FRMD7: variants seen among roughly 807,000 people sequenced by gnomAD.
FRMD7 encodes the protein FERM domain-containing protein 7.
A neutral mutation model predicts 44.1 loss-of-function variants in FRMD7; 14 were observed. The observed-to-expected ratio is 0.32, with a 90% CI of 0.21 to 0.50. FRMD7 has a LOEUF of 0.50. Among genes scored for constraint, FRMD7 ranks in the 20% least tolerant of loss-of-function variants. The pLI is 0.99. For synonymous variants in FRMD7, 212 were observed against 187.4 expected (o/e 1.13, Z -1.07); for missense variants, 501 against 522.3 (o/e 0.96, Z 0.40).
chrX:132,127,687 A>G (rs1440143218), intron 1 of FRMD7, 101 bp downstream of exon 1: 9 of 647,465 alleles, frequency 1.4e-5, no homozygotes, highest in Non-Finnish European at 2.4e-5. Context: ...TCCTTCATTC[A>G]GTCCTAAAGA....
chrX:132,102,495 A>G (rs768264286), intron 1 of FRMD7, among the ~76,000 whole-genome samples: 1 of 111,827 alleles, frequency 8.9e-6, no homozygotes, highest in East Asian at 2.8e-4. Flanking sequence ...GGGCCTGTTT[A>G]TAGGGGAGAG....
At chrX:132,087,917 A>G (rs1461448135) in intron 5 of FRMD7, among the ~76,000 whole-genome samples, 1 of 111,157 alleles carries the variant, frequency 9.0e-6, no homozygotes, top group African/African-American at 3.3e-5. Context: ...ACTATAATAC[A>G]CTATGATAAT....
chrX:132,100,752 T>C (rs1314298688), intron 1 of FRMD7, 36 bp from the exon 2 acceptor site: 1 of 966,097 alleles, frequency 1.0e-6, no homozygotes, highest in Non-Finnish European at 1.5e-6. Flanking sequence ...ACAATTTGCA[T>C]TCCTAACCTG....
At chrX:132,101,123 C>T (rs1928486015) in intron 1 of FRMD7, among the ~76,000 whole-genome samples, 1 of 110,423 alleles carries the variant, frequency 9.1e-6, no homozygotes, top group African/African-American at 3.3e-5. Context: ...TTCAGTGGCA[C>T]CCCCTCAGGA....
At chrX:132,104,707 A>C (rs767596608) in intron 1 of FRMD7, among the ~76,000 whole-genome samples, 1 of 111,818 alleles carries the variant, frequency 8.9e-6, no homozygotes, top group East Asian at 2.8e-4. Flanking sequence ...AACCAAAAAA[A>C]CAAAAAACAA....
intron 1 of FRMD7, among the ~76,000 whole-genome samples, chrX:132,119,660 TG>T (rs1449094237): frequency 9.0e-6 from 1 of 111,339 alleles, no homozygotes. Context: ...TTAGATGATG[TG>T]GGGGTAATAA....
intron 2 of FRMD7, 39 bp downstream of exon 2, chrX:132,100,573 A>C (rs1928471279): frequency 1.1e-6 from 1 of 944,173 alleles, no homozygotes; most frequent in African/African-American, 1.9e-5. Flanking sequence ...TTTAGAAGCA[A>C]TGCTAGACAC....
chrX:132,126,621 A>G (rs955622922), intron 1 of FRMD7, among the ~76,000 whole-genome samples: 2 of 112,074 alleles, frequency 1.8e-5, no homozygotes, highest in African/African-American at 6.5e-5. Context: ...CCAGCTCACT[A>G]ATTCAGGTAC....
At position 132,111,713 on chromosome X, in the gene FRMD7, T is replaced by C. The variant is rs7063006; in HGVS notation, c.58-10997A>G. On this transcript the variant is annotated intron_variant, in intron 1 of 11. Transcript: ENST00000298542. ...CAAGCAGAACACTCCAGTGAGAGGA[T>C]TGGACTTGTGTTAATTAGAACAGGA... Among the ~76,000 whole-genome samples the C allele has an allele frequency of 3.8e-3, 426 of 112,016 alleles. 3 individuals are homozygous for C. Among genetic ancestry groups the C allele is most frequent in the African/African-American group, 0.013 (388 of 30,856 alleles).
chrX:132,109,448 CT>C (rs1928726012), intron 1 of FRMD7, among the ~76,000 whole-genome samples: 1 of 111,925 alleles, frequency 8.9e-6, no homozygotes, highest in Non-Finnish European at 1.9e-5. Flanking sequence ...CTGCCCTTTC[CT>C]TTCCTTTTTG....
rs753902331 is a variant in FRMD7 at position 132,085,925 on chromosome X, C to T, written c.492G>A (p.Lys164=). 2 of 1,182,249 alleles carry T rather than the reference C, an allele frequency of 1.7e-6. No individual in the cohort carries two copies. The highest frequency in any genetic ancestry group is 1.8e-5 in the South Asian group (1 of 56,301). ...TGCCAGCTGAAAGTACTTACATGTG[C>T]TTCTGATGAAAGTGCATGATCTTGC... The part of the protein sequence containing the change: ...LEGKIMHFHQ[K]HIGRSPAESD... Residue 164 remains lysine, a synonymous_variant, in exon 6 of 12, where the codon AAG becomes AAA. Coordinates refer to ENST00000298542, the MANE Select transcript of FRMD7 (RefSeq NM_194277.3).
intron 1 of FRMD7, among the ~76,000 whole-genome samples, chrX:132,104,368 A>G (rs1569346116): frequency 9.0e-6 from 1 of 111,565 alleles, no homozygotes. Context: ...AATAATGTGC[A>G]TATAATGCAT....
At chrX:132,099,564 T>G in intron 2 of FRMD7, 54 bp from the exon 3 acceptor site, 1 of 906,339 alleles carries the variant, frequency 1.1e-6, no homozygotes, top group Non-Finnish European at 1.6e-6. Context: ...GCAGAGCTTT[T>G]TTTTTTTCGG....
intron 1 of FRMD7, among the ~76,000 whole-genome samples, chrX:132,111,275 AT>A (rs1353460862): frequency 9.0e-6 from 1 of 111,225 alleles, no homozygotes; most frequent in African/African-American, 3.3e-5. Context: ...TTATTTACTT[AT>A]TTTGAGACTG....
At chrX:132,096,694 G>C (rs1448075640) in intron 4 of FRMD7, among the ~76,000 whole-genome samples, 1 of 97,270 alleles carries the variant, frequency 1.0e-5, no homozygotes, top group Non-Finnish European at 2.0e-5. Flanking sequence ...TATCCAACCT[G>C]AGGCAGAGCA....
chrX:132,112,656 A>G (rs368958867), intron 1 of FRMD7, among the ~76,000 whole-genome samples: 1 of 111,636 alleles, frequency 9.0e-6, no homozygotes, highest in East Asian at 2.8e-4. Context: ...ACTGCCCAGA[A>G]AGATTTCCGG....
At chrX:132,112,310 A>G (rs749887043) in intron 1 of FRMD7, among the ~76,000 whole-genome samples, 7 of 111,597 alleles carry the variant, frequency 6.3e-5, no homozygotes, top group Non-Finnish European at 1.1e-4. Flanking sequence ...TCCTTCTAAA[A>G]TGGAGTTCTC....
chrX:132,119,334 G>A (rs543918612), intron 1 of FRMD7, among the ~76,000 whole-genome samples: 1 of 112,721 alleles, frequency 8.9e-6, no homozygotes, highest in African/African-American at 3.2e-5. Context: ...AAAGGCAATT[G>A]ACAGTAACTT....
In FRMD7 at chrX:132,098,074, T is replaced by C. The variant is rs142398280; in HGVS notation, c.206-730A>G. ...GGAAGCACAGAAGGGAGGAAAGAGT[T>C]TGGAGGAGGTCAAGGATGTCCTACC... On this transcript the variant is annotated intron_variant, in intron 3 of 11. Coordinates refer to ENST00000298542, the MANE Select transcript of FRMD7 (RefSeq NM_194277.3). Among the ~76,000 whole-genome samples the C allele has an allele frequency of 6.3e-3, 696 of 111,279 alleles. 6 individuals carry two copies. The highest frequency in any genetic ancestry group is 0.021 in the African/African-American group (655 of 30,651).
Sources: gnomAD v4.1 joint callset for allele counts (sites outside exome capture counted in the v4.1 genomes callset) on GRCh38, gnomAD v4.1.1 for gene constraint, MANE v1.5 for transcripts, NCBI Gene and HGNC (gene_info 2026-07-23, HGNC 2026-07-21) for gene names.